The following CHCHD6 variants were observed in gnomAD, a reference collection of about 807,000 sequenced individuals.
The protein encoded by CHCHD6 is coiled-coil-helix-coiled-coil-helix domain containing 6.
Under a neutral mutation model 32.3 loss-of-function variants are expected in CHCHD6, and 28 were observed. The ratio of observed to expected loss-of-function variants is 0.87; its 90% CI spans 0.64 to 1.19. The LOEUF (loss-of-function observed/expected upper bound fraction) is 1.19, where lower values mean the gene tolerates loss of function less well. CHCHD6 is among the 50% of genes most tolerant of loss of function. The probability of loss-of-function intolerance (pLI) is 0.00; values close to 1 mark genes in which losing one functional copy is unlikely to be tolerated. For missense variants in CHCHD6, 333 were observed against 307.0 expected, an observed-to-expected ratio of 1.08 and a Z score of -0.63; for synonymous variants, 122 against 117.5, an observed-to-expected ratio of 1.04 and a Z score of -0.25.
intron 4 of CHCHD6, among the ~76,000 whole-genome samples, chr3:126,770,050 A>AT (rs1436122853): frequency 2.6e-5 from 4 of 151,616 alleles, no homozygotes; most frequent in Non-Finnish European, 4.4e-5. Flanking sequence ...CATTGTAGAG[A>AT]TTTTTTACCT....
chr3:126,937,165 C>T (rs1391470309), intron 6 of CHCHD6, among the ~76,000 whole-genome samples: 1 of 152,172 alleles, frequency 6.6e-6, no homozygotes, highest in East Asian at 1.9e-4. Flanking sequence ...GGTCAGAAGC[C>T]AGTTAGTAGT....
chr3:126,938,550 C>T (rs966823576), intron 6 of CHCHD6, among the ~76,000 whole-genome samples: 2 of 152,200 alleles, frequency 1.3e-5, no homozygotes, highest in Non-Finnish European at 2.9e-5. Flanking sequence ...TTAGACTCTT[C>T]CAAATTTCAA....
At position 126,852,042 on chromosome 3, in the gene CHCHD6, G is replaced by A. The variant is rs139370699; in HGVS notation, c.412-605G>A. On this transcript the variant is annotated intron_variant, in intron 4 of 7. Transcript: ENST00000290913. ...AGGGACTCAACCATCCCCATCAGGCGGGTGAGGAAGCAGCGCCTCTCCAGC... is the reference window on the plus strand; with the variant it reads ...AGGGACTCAACCATCCCCATCAGGCAGGTGAGGAAGCAGCGCCTCTCCAGC... 4.7e-3 allele frequency among the ~76,000 whole-genome samples: 711 copies of A among 152,316 alleles called. 4 individuals carry two copies. Among genetic ancestry groups the A allele is most frequent in the Non-Finnish European group, 7.7e-3 (523 of 68,028 alleles).
At chr3:126,850,604 T>C (rs987713974) in intron 4 of CHCHD6, among the ~76,000 whole-genome samples, 2 of 152,214 alleles carry the variant, frequency 1.3e-5, no homozygotes, top group African/African-American at 4.8e-5. Flanking sequence ...TCTCTGCTGC[T>C]TCACTTAACT....
chr3:126,927,204 G>A (rs544946026), intron 6 of CHCHD6, among the ~76,000 whole-genome samples: 16 of 152,280 alleles, frequency 1.1e-4, no homozygotes, highest in African/African-American at 3.8e-4. Flanking sequence ...TGGCTGGGGA[G>A]CTGGCAAGCG....
chr3:126,839,907 C>T (rs1223372840), intron 4 of CHCHD6, among the ~76,000 whole-genome samples: 2 of 152,118 alleles, frequency 1.3e-5, no homozygotes, highest in Non-Finnish European at 2.9e-5. Flanking sequence ...AAGTTTAGGA[C>T]ATTTTCATCA....
intron 1 of CHCHD6, among the ~76,000 whole-genome samples, chr3:126,712,109 C>G (rs1934775211): frequency 6.6e-6 from 1 of 152,100 alleles, no homozygotes; most frequent in African/African-American, 2.4e-5. Context: ...GGTTGAAGGC[C>G]CAGACACCTG....
intron 4 of CHCHD6, among the ~76,000 whole-genome samples, chr3:126,795,584 A>G (rs1269294569): frequency 2.0e-5 from 3 of 152,118 alleles, no homozygotes; most frequent in Non-Finnish European, 4.4e-5. Flanking sequence ...GAATTCTAGG[A>G]TTTTAAGATT....
intron 4 of CHCHD6, among the ~76,000 whole-genome samples, chr3:126,765,523 C>T (rs1937334562): frequency 6.6e-6 from 1 of 152,174 alleles, no homozygotes; most frequent in African/African-American, 2.4e-5. Context: ...AGAACGGTAC[C>T]CCGAGTCTCA....
At chr3:126,765,335 T>A (rs771424121) in intron 4 of CHCHD6, among the ~76,000 whole-genome samples, 2 of 138,940 alleles carry the variant, frequency 1.4e-5, no homozygotes, top group Admixed American at 7.2e-5. Context: ...GAGAGGAGGG[T>A]TCCAGGAAAG....
intron 5 of CHCHD6, among the ~76,000 whole-genome samples, chr3:126,911,673 C>T (rs2078092810): frequency 6.6e-6 from 1 of 152,218 alleles, no homozygotes; most frequent in Non-Finnish European, 1.5e-5. Context: ...TGTGACAAAT[C>T]GAGTTGACCA....
At chr3:126,883,291 C>T (rs1008528558) in intron 5 of CHCHD6, among the ~76,000 whole-genome samples, 2 of 152,200 alleles carry the variant, frequency 1.3e-5, no homozygotes, top group Non-Finnish European at 2.9e-5. Flanking sequence ...AACCCCAACT[C>T]GAAGCCGATT....
At chr3:126,722,873 TGCCAAA>T (rs1186152607) in intron 1 of CHCHD6, among the ~76,000 whole-genome samples, 1 of 152,206 alleles carries the variant, frequency 6.6e-6, no homozygotes, top group African/African-American at 2.4e-5. Flanking sequence ...AAGAACGTAT[TGCCAAA>T]GCCAAGGTCA....
intron 1 of CHCHD6, among the ~76,000 whole-genome samples, chr3:126,720,391 C>T (rs910588044): frequency 1.3e-5 from 2 of 152,206 alleles, no homozygotes; most frequent in Admixed American, 1.3e-4. Context: ...GGCTTCTAGT[C>T]CCTCAGGGGC....
At chr3:126,751,195 C>A (rs377021911) in intron 4 of CHCHD6, among the ~76,000 whole-genome samples, 2 of 149,250 alleles carry the variant, frequency 1.3e-5, no homozygotes, top group Non-Finnish European at 3.0e-5. Flanking sequence ...GAAGGCAGTT[C>A]TTTTTCTCAC....
chr3:126,879,613 A>G (rs1463072295), intron 5 of CHCHD6, among the ~76,000 whole-genome samples: 1 of 152,264 alleles, frequency 6.6e-6, no homozygotes, highest in East Asian at 1.9e-4. Flanking sequence ...ATAAAGAGAC[A>G]TGTCAAGTGA....
intron 4 of CHCHD6, among the ~76,000 whole-genome samples, chr3:126,843,641 T>C (rs1941185800): frequency 6.6e-6 from 1 of 152,230 alleles, no homozygotes; most frequent in African/African-American, 2.4e-5. Flanking sequence ...TATTGGATTA[T>C]GGTTTATACT....
chr3:126,787,705 T>A (rs1938293037), intron 4 of CHCHD6, among the ~76,000 whole-genome samples: 1 of 152,238 alleles, frequency 6.6e-6, no homozygotes, highest in Admixed American at 6.5e-5. Context: ...AAGTTGCTTA[T>A]CAGCTTAAGG....
rs377223875 is a variant in CHCHD6, at chr3:126,803,222, T to C, written c.412-49425T>C. ...CAAATTCACACATAACAATATTAAC[T>C]TTAAATGTAAATGGGCTAAATGTTC... On this transcript the variant is annotated intron_variant, in intron 4 of 7. Transcript: ENST00000290913. Among the ~76,000 whole-genome samples, 23 of 151,918 alleles carry C rather than the reference T, an allele frequency of 1.5e-4. No individual in the cohort carries two copies. The South Asian group carries it at 1.7e-3, about 11-fold the overall frequency.
Sources: allele counts gnomAD v4.1 joint callset (sites outside exome capture counted in the v4.1 genomes callset), GRCh38; gene constraint gnomAD v4.1.1; transcripts MANE v1.5; gene names NCBI Gene and HGNC (gene_info 2026-07-23, HGNC 2026-07-21).